AP1B1: variants seen among roughly 807,000 people sequenced by gnomAD.
The protein encoded by AP1B1 is adaptor related protein complex 1 subunit beta 1, also known as AP-1 complex subunit beta-1.
Under a neutral mutation model 104.3 loss-of-function variants are expected in AP1B1, and 36 were observed. The observed-to-expected ratio is 0.35, with a 90% CI of 0.26 to 0.46. The LOEUF (loss-of-function observed/expected upper bound fraction) is 0.46, where lower values mean the gene tolerates loss of function less well. AP1B1 is among the 20% of genes least tolerant of loss of function. The probability of loss-of-function intolerance (pLI) is 1.00; values close to 1 mark genes in which losing one functional copy is unlikely to be tolerated. For synonymous variants in AP1B1, 504 were observed against 517.5 expected, an observed-to-expected ratio of 0.97 and a Z score of 0.35; for missense variants, 901 against 1,247.9, an observed-to-expected ratio of 0.72 and a Z score of 4.19.
intron 2 of AP1B1, among the ~76,000 whole-genome samples, chr22:29,363,637 G>A (rs113169955): frequency 7.9e-5 from 12 of 150,960 alleles, no homozygotes; most frequent in African/African-American, 2.9e-4. Flanking sequence ...ACAGGGCCAA[G>A]ACTCCATCTC....
At chr22:29,369,461 T>C (rs1325837075) in intron 1 of AP1B1, among the ~76,000 whole-genome samples, 2 of 152,230 alleles carry the variant, frequency 1.3e-5, no homozygotes, top group Non-Finnish European at 2.9e-5. Flanking sequence ...ACTTCCCTTT[T>C]GCTTTGCAAA....
rs116679100 is a variant in AP1B1 at position 29,343,724 on chromosome 22, C to T, written c.1438-1341G>A. 7.4e-3 allele frequency among the ~76,000 whole-genome samples: 1,123 copies of T among 152,340 alleles called. 15 individuals are homozygous for T. The highest frequency in any genetic ancestry group is 0.025 in the African/African-American group (1,052 of 41,572). ...TATCACTTCTCAGCTGACAGACCCTCGGCAAGTCATTTAGCTTCTCTGAGT... is the reference window on the plus strand; with the variant it reads ...TATCACTTCTCAGCTGACAGACCCTTGGCAAGTCATTTAGCTTCTCTGAGT... On this transcript the variant is annotated intron_variant, in intron 11 of 22. Coordinates refer to ENST00000357586, the MANE Select transcript of AP1B1 (RefSeq NM_001127.4).
rs146563176 is a variant in AP1B1, at chr22:29,337,472, GGGGGT to G, written c.2163+1513_2163+1517del. On this transcript the variant is annotated intron_variant, in intron 16 of 22. Transcript: ENST00000357586. ...GCATATGGTGGGGAAAGCCAGCTCA[GGGGGT>G]GGGGAGGTGCTGGCTCATGGCTCCC... 5.0e-3 allele frequency among the ~76,000 whole-genome samples: 755 copies of G among 152,310 alleles called. 3 individuals carry two copies. The highest frequency in any genetic ancestry group is 0.018 in the African/African-American group (732 of 41,568).
At chr22:29,345,568 C>T (rs1185970783) in intron 11 of AP1B1, among the ~76,000 whole-genome samples, 7 of 150,738 alleles carry the variant, frequency 4.6e-5, no homozygotes, top group Non-Finnish European at 7.4e-5. Flanking sequence ...TGAGGTCTCA[C>T]TATGTTGCCC....
chr22:29,339,727 C>T, intron 15 of AP1B1, 27 bp downstream of exon 15: 3 of 1,608,734 alleles, frequency 1.9e-6, no homozygotes, highest in Non-Finnish European at 2.5e-6. Flanking sequence ...AGGACGAAGG[C>T]TTGGTGACGC....
intron 15 of AP1B1, among the ~76,000 whole-genome samples, chr22:29,339,521 A>G (rs746535427): frequency 6.6e-5 from 10 of 152,010 alleles, no homozygotes; most frequent in Non-Finnish European, 1.5e-4. Flanking sequence ...CGCGATGACA[A>G]GGCGACGTGT....
At chr22:29,361,003 G>A (rs1233321160) in intron 3 of AP1B1, among the ~76,000 whole-genome samples, 1 of 152,244 alleles carries the variant, frequency 6.6e-6, no homozygotes, top group African/African-American at 2.4e-5. Context: ...GAATGGGGAG[G>A]AGGGAGGAGG....
At chr22:29,374,717 C>T (rs1196868329) in intron 1 of AP1B1, among the ~76,000 whole-genome samples, 2 of 152,190 alleles carry the variant, frequency 1.3e-5, no homozygotes, top group East Asian at 3.8e-4. Flanking sequence ...TCGGTAACAG[C>T]CATTAAAATT....
At chr22:29,345,120 G>A (rs186019630) in intron 11 of AP1B1, among the ~76,000 whole-genome samples, 102 of 152,142 alleles carry the variant, frequency 6.7e-4, no homozygotes, top group African/African-American at 2.3e-3. Flanking sequence ...GTGCAGTGGT[G>A]TGATCTTGGC....
At chr22:29,360,453 T>C (rs1458136360) in intron 3 of AP1B1, among the ~76,000 whole-genome samples, 1 of 152,216 alleles carries the variant, frequency 6.6e-6, no homozygotes, top group Non-Finnish European at 1.5e-5. Flanking sequence ...TGATACTTAA[T>C]GTGGCCCCTT....
At chr22:29,329,999 C>A in intron 21 of AP1B1, 2 of 1,412,426 alleles carry the variant, frequency 1.4e-6, no homozygotes, top group Non-Finnish European at 1.8e-6. Context: ...ACCTCAAAGG[C>A]TGGGAGGTTC....
At chr22:29,382,125 T>C (rs2062446331) in intron 1 of AP1B1, among the ~76,000 whole-genome samples, 1 of 152,148 alleles carries the variant, frequency 6.6e-6, no homozygotes, top group South Asian at 2.1e-4. Context: ...GGTGTGATCA[T>C]AGCTCACTGC....
intron 17 of AP1B1, 172 bp from the exon 18 acceptor site, chr22:29,332,088 C>G (rs1434917069): frequency 1.5e-5 from 9 of 612,568 alleles, no homozygotes; most frequent in Non-Finnish European, 8.2e-6. Context: ...GTCCCCTCCC[C>G]CAGATGGCCA....
At chr22:29,329,598 G>A in intron 22 of AP1B1, 114 bp downstream of exon 22, 1 of 1,558,650 alleles carries the variant, frequency 6.4e-7, no homozygotes, top group Non-Finnish European at 8.7e-7. Context: ...AAGCCCCCCG[G>A]GTGAGGTGAG....
At chr22:29,338,407 C>T (rs974952876) in intron 16 of AP1B1, among the ~76,000 whole-genome samples, 2 of 152,210 alleles carry the variant, frequency 1.3e-5, no homozygotes, top group Admixed American at 1.3e-4. Flanking sequence ...CTTTGCCCTG[C>T]AGCAAACACC....
chr22:29,355,659 G>A (rs2061945284), intron 6 of AP1B1, among the ~76,000 whole-genome samples: 1 of 152,012 alleles, frequency 6.6e-6, no homozygotes, highest in African/African-American at 2.4e-5. Flanking sequence ...GCTGGGTGAG[G>A]CTGAGATGGG....
chr22:29,369,837 ATTTTT>A (rs564733165), intron 1 of AP1B1, among the ~76,000 whole-genome samples: 3,446 of 120,150 alleles, frequency 0.029, 118 homozygotes, highest in African/African-American at 0.1. Context: ...ATTAAAAACG[ATTTTT>A]TTTTTTTTTT....
At chr22:29,359,001 G>A (rs1003334958) in intron 4 of AP1B1, 30 bp from the exon 5 acceptor site, 1 of 1,577,664 alleles carries the variant, frequency 6.3e-7, no homozygotes, top group Non-Finnish European at 8.6e-7. Context: ...GGCCAGGGCA[G>A]GGGTGGGATG....
chr22:29,348,211 T>G (rs1332926590), intron 11 of AP1B1, among the ~76,000 whole-genome samples: 1 of 152,282 alleles, frequency 6.6e-6, no homozygotes, highest in East Asian at 1.9e-4. Context: ...TGCAGTCATT[T>G]GCAAATACGT....
Sources: gnomAD v4.1 joint callset for allele counts (sites outside exome capture counted in the v4.1 genomes callset) on GRCh38, gnomAD v4.1.1 for gene constraint, MANE v1.5 for transcripts, NCBI Gene and HGNC (gene_info 2026-07-23, HGNC 2026-07-21) for gene names.